The following SLC4A5 variants were observed in gnomAD, a reference collection of about 807,000 sequenced individuals.
The protein encoded by SLC4A5 is solute carrier family 4 member 5.
A neutral mutation model predicts 120.4 loss-of-function variants in SLC4A5; 96 were observed. That is an observed-to-expected ratio of 0.80 (90% CI 0.68 to 0.94). SLC4A5 has a LOEUF of 0.94. Ranked by LOEUF, SLC4A5 falls within the 40% of genes least tolerant of loss-of-function variation. The probability of loss-of-function intolerance (pLI) is 0.00; values close to 1 mark genes in which losing one functional copy is unlikely to be tolerated. For missense variants in SLC4A5, 1,259 were observed against 1,459.5 expected (o/e 0.86, Z 2.24); for synonymous variants, 550 against 571.1 (o/e 0.96, Z 0.53).
intron 19 of SLC4A5, among the ~76,000 whole-genome samples, chr2:74,245,983 C>T (rs977990328): frequency 1.3e-5 from 2 of 152,140 alleles, no homozygotes; most frequent in Non-Finnish European, 2.9e-5. Context: ...TGGGTGGTCT[C>T]TGGACCTCAG....
intron 6 of SLC4A5, 43 bp downstream of exon 6, chr2:74,314,901 CA>C (rs756454084): frequency 1.3e-6 from 2 of 1,542,942 alleles, no homozygotes; most frequent in East Asian, 4.5e-5. Context: ...AGAGAATTCT[CA>C]GTGCCTCCTG....
chr2:74,317,536 C>G (rs1672998134), intron 5 of SLC4A5, among the ~76,000 whole-genome samples: 1 of 152,128 alleles, frequency 6.6e-6, no homozygotes, highest in South Asian at 2.1e-4. Flanking sequence ...GAGGTTAAAT[C>G]CTCAGGTCTC....
rs554345668 is a variant in SLC4A5, at chr2:74,255,440, G to C, written c.1025+335C>G. On this transcript the variant is annotated intron_variant, in intron 13 of 30. Coordinates refer to ENST00000394019, the Ensembl canonical transcript of SLC4A5. The surrounding 1 kb of genome is among the most constrained non-coding windows in gnomAD (Gnocchi z 4.0). ...CCCGAGGAGCTGGGATTACAGGCGC[G>C]TACCACCACACCTGGCTAATTTTTT... is the stretch of plus-strand genomic sequence containing the variant. 9.9e-5 allele frequency among the ~76,000 whole-genome samples: 15 copies of C among 152,044 alleles called. No individual in the cohort carries two copies. Among genetic ancestry groups the C allele is most frequent in the African/African-American group, 3.4e-4 (14 of 41,462 alleles).
chr2:74,281,707 G>A (rs1224241804), intron 8 of SLC4A5, among the ~76,000 whole-genome samples: 2 of 152,164 alleles, frequency 1.3e-5, no homozygotes, highest in African/African-American at 4.8e-5. Context: ...CCAAGGGCCT[G>A]AAACATCCCC....
chr2:74,248,609 T>C (rs1024017198), intron 17 of SLC4A5, 123 bp from the exon 18 acceptor site: 4 of 1,154,154 alleles, frequency 3.5e-6, no homozygotes, highest in Non-Finnish European at 4.8e-6. Flanking sequence ...TTCTGGGCCC[T>C]TTCCTCCCTA....
chr2:74,233,588 G>A, intron 22 of SLC4A5, 25 bp from the exon 23 acceptor site: 1 of 1,592,550 alleles, frequency 6.3e-7, no homozygotes, highest in Non-Finnish European at 8.6e-7. Flanking sequence ...ACAGAGAGGG[G>A]CCCTTTCCTC....
intron 3 of SLC4A5, among the ~76,000 whole-genome samples, chr2:74,336,103 T>TG (rs1371901115): frequency 6.6e-6 from 1 of 152,214 alleles, no homozygotes; most frequent in Non-Finnish European, 1.5e-5. Flanking sequence ...ATTCTCACTC[T>TG]GTCACCTAGG....
intron 21 of SLC4A5, 74 bp from the exon 22 acceptor site, chr2:74,235,288 G>A (rs533629347): frequency 6.7e-5 from 74 of 1,109,246 alleles, no homozygotes; most frequent in Non-Finnish European, 8.4e-5. Flanking sequence ...CCAGTCCTCC[G>A]GCAGCAAAGA....
intron 14 of SLC4A5, 74 bp from the exon 15 acceptor site, chr2:74,253,202 G>C (rs1165539536): frequency 5.1e-6 from 8 of 1,556,412 alleles, no homozygotes; most frequent in Non-Finnish European, 7.0e-6. Flanking sequence ...ATCACATCTA[G>C]TTTTTAAAGG....
Position 74,306,684 on chromosome 2 carries a change from T to C in SLC4A5, c.80-2004A>G, listed in dbSNP as rs138946953. The C allele has an allele frequency of 6.9e-5, 65 of 940,132 alleles. No homozygotes were observed. The East Asian group carries it at 2.6e-3, about 37-fold the overall frequency. The allele number at this position is 940,132 out of a possible 1,614,324, so 58.2% of individuals were successfully genotyped here. ...TTTTTTTTAACCTCTGAACTTTTTA[T>C]TGGCCTCCTGCTCCCCAAAGGGTAC... On this transcript the variant is annotated intron_variant, in intron 6 of 30. Transcript: ENST00000394019.
At chr2:74,270,173 TC>T (rs1671427959) in intron 8 of SLC4A5, among the ~76,000 whole-genome samples, 1 of 152,160 alleles carries the variant, frequency 6.6e-6, no homozygotes, top group Non-Finnish European at 1.5e-5. Flanking sequence ...ACCGCTCTAG[TC>T]CCCTCTATAA....
At chr2:74,279,568 G>A (rs746299069) in intron 8 of SLC4A5, among the ~76,000 whole-genome samples, 2 of 151,856 alleles carry the variant, frequency 1.3e-5, no homozygotes, top group African/African-American at 2.4e-5. Context: ...CTTTTCTGTG[G>A]GCTTGATTTC....
In SLC4A5 at chr2:74,308,327, G is replaced by A. The variant is rs180889999; in HGVS notation, c.80-3647C>T. On this transcript the variant is annotated intron_variant, in intron 6 of 30. Coordinates refer to ENST00000394019, the Ensembl canonical transcript of SLC4A5. The stretch of plus-strand genomic sequence containing the variant: ...TACCATCTTCCAAAGTGGTTATATC[G>A]TTTGCATTCCCACCAGCAATGGAAG... Among the ~76,000 whole-genome samples, 55 of 152,268 alleles carry A rather than the reference G, an allele frequency of 3.6e-4. No individual in the cohort carries two copies. In the East Asian group the frequency reaches 6.4e-3, roughly 18 times the overall value.
At chr2:74,304,439 G>A in intron 7 of SLC4A5, 50 bp downstream of exon 7, 1 of 1,541,938 alleles carries the variant, frequency 6.5e-7, no homozygotes, top group East Asian at 2.3e-5. Context: ...GGTCCCATCT[G>A]GACACACCAG....
Position 74,229,104 on chromosome 2 carries a change from C to CTTTTTTTTTTTTTTTTTTTTTTTTTTT in SLC4A5, c.2848-1227_2848-1226insAAAAAAAAAAAAAAAAAAAAAAAAAAA, listed in dbSNP as rs55689286. The stretch of plus-strand genomic sequence containing the variant: ...AAAGAAGTCTGTTCTTAGATTTGAG[C>CTTTTTTTTTTTTTTTTTTTTTTTTTTT]TTTTTTTTTTTTCTTGAGACAGAGT... On this transcript the variant is annotated intron_variant, in intron 25 of 30. Transcript: ENST00000394019. Among the ~76,000 whole-genome samples, 3 of 98,588 alleles carry CTTTTTTTTTTTTTTTTTTTTTTTTTTT rather than the reference C, an allele frequency of 3.0e-5. 1 individual carries two copies. Among genetic ancestry groups the CTTTTTTTTTTTTTTTTTTTTTTTTTTT allele is most frequent in the Non-Finnish European group, 5.3e-5 (3 of 56,670 alleles). 64.7% of individuals were successfully genotyped at this position (98,588 alleles called of 152,430 possible). A position where few individuals can be genotyped will look rare whatever the true frequency, so the allele number is the denominator to read the frequency against.
chr2:74,288,812 A>G (rs953726155), intron 7 of SLC4A5, among the ~76,000 whole-genome samples: 1 of 152,154 alleles, frequency 6.6e-6, no homozygotes, highest in Non-Finnish European at 1.5e-5. Context: ...CAACATATTC[A>G]AAACAGCTCT....
At chr2:74,340,940 G>A (rs1436932151) in intron 2 of SLC4A5, among the ~76,000 whole-genome samples, 2 of 152,110 alleles carry the variant, frequency 1.3e-5, no homozygotes, top group African/African-American at 4.8e-5. Context: ...TGAGACCAAG[G>A]GTGGCTGGAA....
exon 27 of SLC4A5, chr2:74,227,052 G>C: frequency 6.2e-7 from 1 of 1,614,166 alleles, no homozygotes. Flanking sequence ...TGGATCCGGC[G>C]CAGCGGCACG....
intron 21 of SLC4A5, among the ~76,000 whole-genome samples, chr2:74,236,011 C>T (rs1024410464): frequency 1.6e-4 from 25 of 152,298 alleles, no homozygotes; most frequent in African/African-American, 6.0e-4. Flanking sequence ...CCCTGCATCC[C>T]CCTTTTCTCT....
Sources: gnomAD v4.1 joint callset for allele counts (sites outside exome capture counted in the v4.1 genomes callset) on GRCh38, gnomAD v4.1.1 for gene constraint, Gnocchi (gnomAD v3.1) non-coding constraint, MANE v1.5 for transcripts, NCBI Gene and HGNC (gene_info 2026-07-23, HGNC 2026-07-21) for gene names.